ELL2: variants seen among roughly 807,000 people sequenced by gnomAD.
ELL2 encodes elongation factor for RNA polymerase II 2.
Under a neutral mutation model 72.8 loss-of-function variants are expected in ELL2, and 21 were observed. That is an observed-to-expected ratio of 0.29 (90% confidence interval 0.20 to 0.42). ELL2 has a LOEUF of 0.42. Among genes scored for constraint, ELL2 ranks in the 10% least tolerant of loss-of-function variants. ELL2 has a pLI of 1.00. For synonymous variants in ELL2, 266 were observed against 283.2 expected, an observed-to-expected ratio of 0.94 and a Z score of 0.61; for missense variants, 568 against 772.8, an observed-to-expected ratio of 0.73 and a Z score of 3.14.
chr5:95,932,187 AC>A (rs1448173939), intron 2 of ELL2, among the ~76,000 whole-genome samples: 1 of 152,202 alleles, frequency 6.6e-6, no homozygotes, highest in Non-Finnish European at 1.5e-5. Flanking sequence ...AGAAAATAAA[AC>A]TATTTCTAAT....
In ELL2 at chr5:95,886,964, G is replaced by A. The variant is rs900512726; in HGVS notation, c.*1907C>T. 1 of 152,176 alleles carries A rather than the reference G, an allele frequency of 6.6e-6. No individual in the cohort carries two copies. The highest frequency in any genetic ancestry group is 1.5e-5 in the Non-Finnish European group (1 of 68,030). 9.4% of individuals were successfully genotyped at this position (152,176 alleles called of 1,614,324 possible). On this transcript the variant is annotated 3_prime_UTR_variant, in exon 12 of 12. Coordinates refer to ENST00000237853, the MANE Select transcript of ELL2 (RefSeq NM_012081.6). ...AACACCAATGAGTTCATTACCTATA[G>A]ACGAACCACTCAGGAGACTCTATCA... is the stretch of plus-strand genomic sequence containing the variant.
At chr5:95,913,097 C>A (rs1749665205) in intron 4 of ELL2, among the ~76,000 whole-genome samples, 1 of 152,252 alleles carries the variant, frequency 6.6e-6, no homozygotes, top group Non-Finnish European at 1.5e-5. Flanking sequence ...AGGAGAGACT[C>A]ATCTTGCAAG....
chr5:95,956,690 C>T (rs1430620022), intron 1 of ELL2, among the ~76,000 whole-genome samples: 1 of 152,050 alleles, frequency 6.6e-6, no homozygotes, highest in Non-Finnish European at 1.5e-5. Context: ...AAAAGTTCAC[C>T]TGGTAGAAAA....
chr5:95,897,577 C>G (rs1748921328), intron 8 of ELL2, among the ~76,000 whole-genome samples: 1 of 152,084 alleles, frequency 6.6e-6, no homozygotes. Context: ...CATTTAAGCT[C>G]CTAAAGCTTT....
At chr5:95,957,316 GA>G (rs1286111516) in intron 1 of ELL2, among the ~76,000 whole-genome samples, 1 of 152,124 alleles carries the variant, frequency 6.6e-6, no homozygotes, top group Non-Finnish European at 1.5e-5. Flanking sequence ...CCATTTGGGG[GA>G]AATATGTAAT....
chr5:95,924,544 TTAAGAATA>T (rs1434944753), intron 2 of ELL2, among the ~76,000 whole-genome samples: 4 of 152,340 alleles, frequency 2.6e-5, no homozygotes, highest in Non-Finnish European at 5.9e-5. Flanking sequence ...GCTAAATGCC[TTAAGAATA>T]AAATATTATT....
intron 3 of ELL2, among the ~76,000 whole-genome samples, 164 bp from the exon 4 acceptor site, chr5:95,914,098 C>A (rs1044673690): frequency 1.3e-5 from 2 of 151,850 alleles, no homozygotes; most frequent in African/African-American, 4.8e-5. Flanking sequence ...TATCTAAGAT[C>A]CTTCTCTTCA....
intron 6 of ELL2, 52 bp from the exon 7 acceptor site, chr5:95,900,832 T>C: frequency 3.2e-6 from 5 of 1,567,858 alleles, no homozygotes; most frequent in Non-Finnish European, 4.3e-6. Flanking sequence ...AAAATGTTCA[T>C]GATAGAAAGC....
intron 2 of ELL2, among the ~76,000 whole-genome samples, chr5:95,937,005 C>T (rs1016709958): frequency 4.6e-5 from 7 of 152,204 alleles, no homozygotes; most frequent in African/African-American, 1.7e-4. Flanking sequence ...GTACACATCG[C>T]GCACTGACAA....
chr5:95,937,837 C>T (rs977048112), intron 2 of ELL2, among the ~76,000 whole-genome samples: 4 of 152,134 alleles, frequency 2.6e-5, no homozygotes, highest in Non-Finnish European at 4.4e-5. Context: ...AACCAGTGGG[C>T]TAGCCAAACC....
intron 1 of ELL2, among the ~76,000 whole-genome samples, chr5:95,959,940 C>T (rs1185119882): frequency 6.6e-6 from 1 of 152,170 alleles, no homozygotes; most frequent in African/African-American, 2.4e-5. Context: ...CTATCCAAAG[C>T]GTGCACAACT....
At chr5:95,955,911 C>T (rs1398939224) in intron 1 of ELL2, among the ~76,000 whole-genome samples, 1 of 151,886 alleles carries the variant, frequency 6.6e-6, no homozygotes, top group Non-Finnish European at 1.5e-5. Context: ...AGAAAAGGGT[C>T]ATCACAAATT....
At position 95,888,336 on chromosome 5, in the gene ELL2, CCTTT is replaced by C. The variant is rs1446553435; in HGVS notation, c.*531_*534del. 2 of 152,584 alleles carry C rather than the reference CCTTT, an allele frequency of 1.3e-5. No homozygotes were observed. The highest frequency in any genetic ancestry group is 6.5e-5 in the Admixed American group (1 of 15,276). The allele number at this position is 152,584 out of a possible 1,614,324, so 9.5% of individuals were successfully genotyped here. ...GTGTATGTGAATCTATACACATACA[CCTTT>C]CTATTTTTTAACCCTCCAAGACAAT... On this transcript the variant is annotated 3_prime_UTR_variant, in exon 12 of 12. Transcript: ENST00000237853.
At chr5:95,953,163 T>A (rs968005993) in intron 1 of ELL2, among the ~76,000 whole-genome samples, 1 of 152,186 alleles carries the variant, frequency 6.6e-6, no homozygotes, top group African/African-American at 2.4e-5. Flanking sequence ...TTTTTTCACA[T>A]TTGCCTGCTT....
intron 2 of ELL2, among the ~76,000 whole-genome samples, chr5:95,935,262 TAA>T (rs1750732610): frequency 6.6e-6 from 1 of 152,226 alleles, no homozygotes; most frequent in Admixed American, 6.5e-5. Context: ...CTTAGAGTTA[TAA>T]GTTACTGCTT....
At chr5:95,943,185 C>G (rs1477734567) in intron 1 of ELL2, 136 bp from the exon 2 acceptor site, 4 of 546,458 alleles carry the variant, frequency 7.3e-6, no homozygotes, top group Non-Finnish European at 1.2e-5. Context: ...CTTTGGGAGG[C>G]TGAAGCAGGA....
At chr5:95,923,015 T>TAA (rs1356854220) in intron 2 of ELL2, among the ~76,000 whole-genome samples, 1 of 152,162 alleles carries the variant, frequency 6.6e-6, no homozygotes, top group African/African-American at 2.4e-5. Flanking sequence ...TCCCTCCAAT[T>TAA]ACGCAGTACA....
intron 1 of ELL2, among the ~76,000 whole-genome samples, chr5:95,946,171 TGGA>T (rs1464624964): frequency 6.6e-6 from 1 of 151,994 alleles, no homozygotes; most frequent in Non-Finnish European, 1.5e-5. Flanking sequence ...AGGGCAGGGG[TGGA>T]GAAGTGAGCT....
At chr5:95,951,498 C>T (rs1751401501) in intron 1 of ELL2, among the ~76,000 whole-genome samples, 1 of 152,070 alleles carries the variant, frequency 6.6e-6, no homozygotes, top group South Asian at 2.1e-4. Flanking sequence ...TATGTCAAAT[C>T]TGACTGTAAA....
Sources: gnomAD v4.1 joint callset for allele counts (sites outside exome capture counted in the v4.1 genomes callset) on GRCh38, gnomAD v4.1.1 for gene constraint, MANE v1.5 for transcripts, NCBI Gene and HGNC (gene_info 2026-07-23, HGNC 2026-07-21) for gene names.